FRMD6: variants seen among roughly 807,000 people sequenced by gnomAD.
FRMD6 encodes the protein FERM domain-containing protein 6.
A neutral mutation model predicts 73.2 loss-of-function variants in FRMD6; 37 were observed. The ratio of observed to expected loss-of-function variants is 0.51; its 90% CI spans 0.39 to 0.66. The LOEUF (loss-of-function observed/expected upper bound fraction) is 0.66. FRMD6 is among the 30% of genes least tolerant of loss of function. The pLI, the probability that FRMD6 is intolerant of heterozygous loss-of-function variation, is 0.00. For synonymous variants in FRMD6, 273 were observed against 282.2 expected (o/e 0.97, Z 0.33); for missense variants, 714 against 780.5 (o/e 0.91, Z 1.02).
intron 5 of FRMD6, among the ~76,000 whole-genome samples, chr14:51,703,083 G>A (rs1020765792): frequency 2.6e-5 from 4 of 151,864 alleles, no homozygotes; most frequent in Non-Finnish European, 5.9e-5. Context: ...TATATTCTTG[G>A]CAGTAGCCTT....
chr14:51,682,032 T>C (rs551223466), intron 1 of FRMD6, among the ~76,000 whole-genome samples: 2 of 152,296 alleles, frequency 1.3e-5, no homozygotes, highest in African/African-American at 4.8e-5. Context: ...ACCCACACAT[T>C]AGTATGCAAG....
chr14:51,683,945 G>C (rs1894981936), intron 1 of FRMD6, among the ~76,000 whole-genome samples: 1 of 152,160 alleles, frequency 6.6e-6, no homozygotes, highest in East Asian at 1.9e-4. Context: ...ATGGTTGGAA[G>C]GTAGGAAAGA....
At chr14:51,498,191 G>A (rs570625571) in intron 1 of FRMD6, among the ~76,000 whole-genome samples, 2 of 152,326 alleles carry the variant, frequency 1.3e-5, no homozygotes, top group African/African-American at 2.4e-5. Context: ...AGCATTTTGT[G>A]TAGAAATAGC....
At chr14:51,473,132 G>A in the FRMD6 span, among the ~76,000 whole-genome samples, 1 of 152,202 alleles carries the variant, frequency 6.6e-6, no homozygotes, top group Non-Finnish European at 1.5e-5. Flanking sequence ...TGCCGGTCCT[G>A]CTGCTTGTGC....
chr14:51,682,822 A>G (rs551020708), intron 1 of FRMD6, among the ~76,000 whole-genome samples: 161 of 152,276 alleles, frequency 1.1e-3, no homozygotes, highest in African/African-American at 3.7e-3. Context: ...CTTGGGTTAC[A>G]TGTTCAGCAT....
the FRMD6 span, among the ~76,000 whole-genome samples, chr14:51,408,732 T>C: frequency 6.6e-6 from 1 of 152,312 alleles, no homozygotes; most frequent in South Asian, 2.1e-4. Flanking sequence ...TTAATATCTA[T>C]ATATTGTGTG....
In FRMD6 at chr14:51,723,304, A is replaced by G. The variant is rs550663983; in HGVS notation, c.1492+1224A>G. Among the ~76,000 whole-genome samples the G allele has an allele frequency of 5.9e-5, 9 of 152,280 alleles. No homozygotes were observed. In the East Asian group the frequency reaches 1.7e-3, roughly 29 times the overall value. On this transcript the variant is annotated intron_variant, in intron 12 of 13. Coordinates refer to ENST00000344768, the MANE Select transcript of FRMD6 (RefSeq NM_001267046.2). ...ATGGTCTAAAAACTGTGTATGCCGC[A>G]GTGCCTTTGGGAAGGGAGGTATGAG...
At chr14:51,720,621 A>T in intron 11 of FRMD6, 1 of 541,362 alleles carries the variant, frequency 1.8e-6, no homozygotes, top group Non-Finnish European at 3.3e-6. Context: ...TTGTAGACTC[A>T]GTCTTAGCTG....
the FRMD6 span, among the ~76,000 whole-genome samples, chr14:51,431,951 G>T: frequency 1.3e-5 from 2 of 152,074 alleles, no homozygotes; most frequent in African/African-American, 4.8e-5. Flanking sequence ...GCTAAATAAG[G>T]CTTGTACAGT....
At chr14:51,469,010 G>A in the FRMD6 span, among the ~76,000 whole-genome samples, 1 of 151,854 alleles carries the variant, frequency 6.6e-6, no homozygotes, top group African/African-American at 2.4e-5. Context: ...GCACGATCTC[G>A]GCTCACTGCA....
At chr14:51,435,480 C>T in the FRMD6 span, among the ~76,000 whole-genome samples, 1 of 148,624 alleles carries the variant, frequency 6.7e-6, no homozygotes, top group Non-Finnish European at 1.5e-5. Context: ...TAAAGAGGAA[C>T]AAAGGGAAGT....
chr14:51,651,839 G>C (rs986691713), upstream of FRMD6: 109 of 132,204 alleles, frequency 8.2e-4, 1 homozygote, highest in African/African-American at 2.8e-3. Flanking sequence ...GGGCGGGTCG[G>C]GTCGGGAGGC....
At chr14:51,711,255 A>G (rs538119839) in intron 7 of FRMD6, among the ~76,000 whole-genome samples, 1 of 152,336 alleles carries the variant, frequency 6.6e-6, no homozygotes, top group Admixed American at 6.5e-5. Context: ...ATATTGTCAG[A>G]TACAAAAGTG....
chr14:51,668,638 G>A (rs4898706), intron 1 of FRMD6, among the ~76,000 whole-genome samples: 77,318 of 150,920 alleles, frequency 0.51, 19,877 homozygotes, highest in African/African-American at 0.57. Context: ...TAGAATGCAG[G>A]AGGCTGTGAA....
At chr14:51,709,028 A>G (rs1896793375) in intron 7 of FRMD6, among the ~76,000 whole-genome samples, 1 of 152,128 alleles carries the variant, frequency 6.6e-6, no homozygotes, top group Non-Finnish European at 1.5e-5. Flanking sequence ...AGTACTCTAT[A>G]TCATCTTGTC....
At chr14:51,469,253 GT>G in the FRMD6 span, among the ~76,000 whole-genome samples, 3 of 150,246 alleles carry the variant, frequency 2.0e-5, no homozygotes, top group East Asian at 5.9e-4. Context: ...TTTGTTTTTT[GT>G]TTTTTATTTT....
the FRMD6 span, among the ~76,000 whole-genome samples, chr14:51,398,405 A>G: frequency 2.0e-5 from 3 of 152,164 alleles, no homozygotes; most frequent in African/African-American, 7.2e-5. Context: ...CTTTAGCTCT[A>G]TTCTTGGTGG....
the FRMD6 span, among the ~76,000 whole-genome samples, chr14:51,410,280 C>T: frequency 6.6e-6 from 1 of 152,132 alleles, no homozygotes; most frequent in Non-Finnish European, 1.5e-5. Flanking sequence ...TCACCTGTAT[C>T]TATAGGTTAT....
chr14:51,437,441 T>C, the FRMD6 span, among the ~76,000 whole-genome samples: 1 of 152,198 alleles, frequency 6.6e-6, no homozygotes, highest in Non-Finnish European at 1.5e-5. Context: ...TAGCTGGGAC[T>C]ACAGGCAAGC....
Sources: allele counts gnomAD v4.1 joint callset (sites outside exome capture counted in the v4.1 genomes callset), GRCh38; gene constraint gnomAD v4.1.1; transcripts MANE v1.5; gene names NCBI Gene and HGNC (gene_info 2026-07-23, HGNC 2026-07-21).